The following GLI2 variants were observed in gnomAD, a reference collection of about 807,000 sequenced individuals.
GLI2 encodes transcription activator GLI2.
In GLI2, 22 loss-of-function variants were observed where a neutral mutation model predicts 78.9. That is an observed-to-expected ratio of 0.28 (90% CI 0.20 to 0.40). The LOEUF is 0.40. Ranked by LOEUF, GLI2 falls within the 10% of genes least tolerant of loss-of-function variation. GLI2 has a pLI of 1.00. For missense variants in GLI2, 2,097 were observed against 2,213.2 expected, an observed-to-expected ratio of 0.95 and a Z score of 1.05; for synonymous variants, 974 against 963.7, an observed-to-expected ratio of 1.01 and a Z score of -0.20.
At chr2:120,804,086 G>T (rs1024760580) in intron 2 of GLI2, among the ~76,000 whole-genome samples, 23 of 152,136 alleles carry the variant, frequency 1.5e-4, no homozygotes, top group Admixed American at 1.1e-3. Flanking sequence ...TTTTTCTGAG[G>T]CACAGTTTTG....
chr2:120,775,589 C>T (rs1203195604), intron 1 of GLI2, among the ~76,000 whole-genome samples: 1 of 152,192 alleles, frequency 6.6e-6, no homozygotes, highest in East Asian at 1.9e-4. Context: ...GAAGGGTTCT[C>T]ACTAGGGAGA....
chr2:120,797,245 TG>T, intron 1 of GLI2, 45 bp from the exon 2 acceptor site: 1 of 1,494,434 alleles, frequency 6.7e-7, no homozygotes, highest in South Asian at 1.1e-5. Flanking sequence ...GTTTCCCGGC[TG>T]GGTTTGGGCT....
chr2:120,939,020 G>A lies in GLI2; in HGVS notation c.254+11554G>A, dbSNP rs1350506411. ...AAAGTGGCCAGGTGTGGTGGCTTAC[G>A]CCTATAATCCCAGCACTTTGGGAGG... On this transcript the variant is annotated intron_variant, in intron 3 of 13. Transcript: ENST00000361492. Among the ~76,000 whole-genome samples the A allele has an allele frequency of 3.3e-5, 5 of 152,290 alleles. No homozygotes were observed. In the East Asian group the frequency reaches 9.6e-4, roughly 29 times the overall value.
chr2:120,815,229 G>T (rs1409511887), intron 2 of GLI2, among the ~76,000 whole-genome samples: 3 of 152,128 alleles, frequency 2.0e-5, no homozygotes, highest in Non-Finnish European at 4.4e-5. Flanking sequence ...TTACCTTTGG[G>T]GTATTAAGGG....
intron 1 of GLI2, among the ~76,000 whole-genome samples, chr2:120,780,118 A>G (rs1255430661): frequency 6.6e-6 from 1 of 152,058 alleles, no homozygotes; most frequent in Non-Finnish European, 1.5e-5. Context: ...GGTTCTCAGA[A>G]AGGCATCTAT....
At chr2:120,777,776 G>T (rs1364162324) in intron 1 of GLI2, among the ~76,000 whole-genome samples, 1 of 151,000 alleles carries the variant, frequency 6.6e-6, no homozygotes, top group Non-Finnish European at 1.5e-5. Context: ...CATTGCCTCT[G>T]GGGGGCTACT....
intron 1 of GLI2, among the ~76,000 whole-genome samples, chr2:120,768,705 T>C (rs1030963668): frequency 1.3e-5 from 2 of 152,132 alleles, no homozygotes; most frequent in Non-Finnish European, 2.9e-5. Flanking sequence ...CTTGCCTGGC[T>C]GGATGAGCCC....
intron 1 of GLI2, among the ~76,000 whole-genome samples, chr2:120,774,940 C>T (rs1489433842): frequency 6.6e-6 from 1 of 152,220 alleles, no homozygotes; most frequent in Non-Finnish European, 1.5e-5. Context: ...AGCCCGGGCT[C>T]CCATGAGAGC....
At chr2:120,912,940 C>A (rs1176672896) in intron 2 of GLI2, among the ~76,000 whole-genome samples, 2 of 152,154 alleles carry the variant, frequency 1.3e-5, no homozygotes, top group African/African-American at 4.8e-5. Context: ...ACCGGCCTCA[C>A]CCACAGAATC....
At chr2:120,934,634 G>A (rs1283555669) in intron 3 of GLI2, among the ~76,000 whole-genome samples, 1 of 152,186 alleles carries the variant, frequency 6.6e-6, no homozygotes, top group African/African-American at 2.4e-5. Flanking sequence ...GTGGGCATGG[G>A]GGCCTCACCT....
At chr2:120,860,340 C>A (rs1413204831) in intron 2 of GLI2, among the ~76,000 whole-genome samples, 1 of 152,214 alleles carries the variant, frequency 6.6e-6, no homozygotes, top group African/African-American at 2.4e-5. Flanking sequence ...ATCCTATCAC[C>A]TACCCTGGGC....
intron 3 of GLI2, among the ~76,000 whole-genome samples, chr2:120,946,278 G>A (rs1305130540): frequency 6.6e-6 from 1 of 152,182 alleles, no homozygotes; most frequent in Non-Finnish European, 1.5e-5. Flanking sequence ...ATGTAAGAAG[G>A]AACAACTGGT....
Position 120,735,965 on chromosome 2 carries a change from C to T in GLI2, c.-351C>T, listed in dbSNP as rs1181663370. Among the ~76,000 whole-genome samples the T allele has an allele frequency of 6.6e-6, 1 of 151,860 alleles. No homozygotes were observed. Among genetic ancestry groups the T allele is most frequent in the African/African-American group, 2.4e-5 (1 of 41,348 alleles). ...CCATCAATGAGACTTCGAGGAGGAG[C>T]GGGCGGCGGCGGCGGCTGCGACTGC... On this transcript the variant is annotated 5_prime_UTR_variant, in exon 1 of 14. Transcript: ENST00000361492.
rs544823988 is a variant in GLI2 at position 120,930,090 on chromosome 2, C to A, written c.254+2624C>A. ...CCTGCACGGGATGTTGGTCAGGAGA[C>A]CTGGGCAATGCTGAGAGCTTTGTGC... is the stretch of plus-strand genomic sequence containing the variant. On this transcript the variant is annotated intron_variant, in intron 3 of 13. Transcript: ENST00000361492. Among the ~76,000 whole-genome samples, 25 of 152,334 alleles carry A rather than the reference C, an allele frequency of 1.6e-4. 1 individual carries two copies. In the South Asian group the frequency reaches 5.2e-3, roughly 32 times the overall value.
chr2:120,780,994 C>T (rs1382807280), intron 1 of GLI2, among the ~76,000 whole-genome samples: 3 of 152,156 alleles, frequency 2.0e-5, no homozygotes, highest in Non-Finnish European at 2.9e-5. Context: ...CCTGAGCATC[C>T]GAGCCCTGAG....
intron 2 of GLI2, among the ~76,000 whole-genome samples, chr2:120,916,832 A>C (rs373847451): frequency 6.6e-6 from 1 of 152,204 alleles, no homozygotes; most frequent in East Asian, 1.9e-4. Context: ...GTGTATGTCA[A>C]GGCCATATTA....
At chr2:120,951,958 C>T (rs1241225769) in intron 4 of GLI2, among the ~76,000 whole-genome samples, 1 of 152,184 alleles carries the variant, frequency 6.6e-6, no homozygotes, top group Non-Finnish European at 1.5e-5. Context: ...CATTGATTGG[C>T]CCGGCTCAGA....
intron 2 of GLI2, among the ~76,000 whole-genome samples, chr2:120,850,838 G>A (rs752525782): frequency 6.6e-6 from 1 of 152,194 alleles, no homozygotes; most frequent in Non-Finnish European, 1.5e-5. Flanking sequence ...GAATTGAGTT[G>A]TCCTCTGTAT....
At chr2:120,890,736 C>T (rs898908773) in intron 2 of GLI2, among the ~76,000 whole-genome samples, 2 of 152,214 alleles carry the variant, frequency 1.3e-5, no homozygotes, top group African/African-American at 2.4e-5. Context: ...CGTGTCTTCA[C>T]TAGCTTGTCC....
Sources: gnomAD v4.1 joint callset for allele counts (sites outside exome capture counted in the v4.1 genomes callset) on GRCh38, gnomAD v4.1.1 for gene constraint, MANE v1.5 for transcripts, NCBI Gene and HGNC (gene_info 2026-07-23, HGNC 2026-07-21) for gene names.